Variants in ASTN1 observed in about 807,000 individuals in gnomAD.
ASTN1 encodes astrotactin-1.
A neutral mutation model predicts 140.7 loss-of-function variants in ASTN1; 41 were observed. The observed-to-expected ratio is 0.29, with a 90% CI of 0.23 to 0.38. The LOEUF is 0.38. Ranked by LOEUF, ASTN1 falls within the 10% of genes least tolerant of loss-of-function variation. ASTN1 has a pLI of 1.00. For synonymous variants in ASTN1, 640 were observed against 652.2 expected, an observed-to-expected ratio of 0.98 and a Z score of 0.29; for missense variants, 1,479 against 1,678.8, an observed-to-expected ratio of 0.88 and a Z score of 2.08.
chr1:177,113,994 G>A (rs898648429), intron 1 of ASTN1, among the ~76,000 whole-genome samples: 3 of 152,200 alleles, frequency 2.0e-5, no homozygotes, highest in African/African-American at 7.2e-5. Flanking sequence ...TTCAAAGGAT[G>A]AAAGAAATGA....
chr1:177,014,687 G>T, intron 8 of ASTN1, 104 bp downstream of exon 8: 2 of 1,045,088 alleles, frequency 1.9e-6, no homozygotes, highest in Non-Finnish European at 2.9e-6. Context: ...TCAGAATATA[G>T]CCACCCTTTA....
intron 1 of ASTN1, among the ~76,000 whole-genome samples, chr1:177,150,429 G>C (rs59992568): frequency 0.016 from 2,361 of 152,208 alleles, 60 homozygotes; most frequent in African/African-American, 0.054. Context: ...CATTTGACTG[G>C]TAGATGCTGT....
intron 1 of ASTN1, among the ~76,000 whole-genome samples, chr1:177,091,199 A>G (rs1679735114): frequency 6.6e-6 from 1 of 152,212 alleles, no homozygotes; most frequent in South Asian, 2.1e-4. Context: ...CATCTGACCA[A>G]CTCTCAAAAA....
At chr1:177,045,455 C>G (rs1314126662) in intron 2 of ASTN1, among the ~76,000 whole-genome samples, 1 of 152,212 alleles carries the variant, frequency 6.6e-6, no homozygotes, top group Non-Finnish European at 1.5e-5. Context: ...AGACCTCCAT[C>G]TGAAAATCCC....
intron 2 of ASTN1, among the ~76,000 whole-genome samples, chr1:177,056,492 A>G (rs756012833): frequency 6.6e-6 from 1 of 151,908 alleles, no homozygotes; most frequent in African/African-American, 2.4e-5. Flanking sequence ...TTTCCCCACA[A>G]CAGTGACTAA....
At chr1:177,015,003 T>A in intron 7 of ASTN1, 128 bp from the exon 8 acceptor site, 1 of 779,634 alleles carries the variant, frequency 1.3e-6, no homozygotes, top group Non-Finnish European at 2.1e-6. Flanking sequence ...AATGAGACAG[T>A]AAGTTCCATT....
chr1:177,068,558 G>T (rs1477594471), intron 1 of ASTN1, among the ~76,000 whole-genome samples: 1 of 152,158 alleles, frequency 6.6e-6, no homozygotes, highest in Non-Finnish European at 1.5e-5. Flanking sequence ...CAGGAAGCCT[G>T]GAGAATGGGA....
intron 16 of ASTN1, among the ~76,000 whole-genome samples, chr1:176,904,845 C>T (rs1669917248): frequency 6.6e-6 from 1 of 151,970 alleles, no homozygotes; most frequent in Admixed American, 6.6e-5. Context: ...GGGCGCCCAG[C>T]ATCAGCCTGG....
chr1:176,974,792 C>T (rs1237610618), intron 8 of ASTN1, among the ~76,000 whole-genome samples: 3 of 152,120 alleles, frequency 2.0e-5, no homozygotes, highest in Non-Finnish European at 2.9e-5. Flanking sequence ...CAACCTTGCC[C>T]CAAAACATGG....
intron 8 of ASTN1, among the ~76,000 whole-genome samples, chr1:177,010,679 A>AT (rs1675245297): frequency 6.6e-6 from 1 of 152,178 alleles, no homozygotes; most frequent in South Asian, 2.1e-4. Context: ...AACCTGCCTC[A>AT]TTTCTGCCTG....
rs1475157004 is a variant in ASTN1, at chr1:177,164,610, C to T, written c.67G>A (p.Ala23Thr). Residue 23 changes from alanine to threonine, a missense_variant, in exon 1 of 23, where the codon GCC (alanine) becomes ACC (threonine). Coordinates refer to ENST00000361833, the MANE Select transcript of ASTN1 (RefSeq NM_004319.3). ...CWGPAAVLAT[A>T]AGDVDPSKEL... Reference sequence around the variant, plus strand: ...TTGGATGGATCCACGTCGCCGGCGGCCGTGGCCAGCACCGCCGCCGGCCCC... The same window carrying T: ...TTGGATGGATCCACGTCGCCGGCGGTCGTGGCCAGCACCGCCGCCGGCCCC... 1.2e-6 allele frequency: 2 copies of T among 1,610,712 alleles called. No individual in the cohort carries two copies. Among genetic ancestry groups the T allele is most frequent in the East Asian group, 2.2e-5 (1 of 44,734 alleles).
chr1:177,124,629 C>T (rs1681559178), intron 1 of ASTN1, among the ~76,000 whole-genome samples: 1 of 152,092 alleles, frequency 6.6e-6, no homozygotes, highest in South Asian at 2.1e-4. Flanking sequence ...AGCCACTGCC[C>T]AGAGGAACAA....
At chr1:177,020,859 T>TTG (rs138744561) in intron 7 of ASTN1, among the ~76,000 whole-genome samples, 87 of 151,502 alleles carry the variant, frequency 5.7e-4, no homozygotes, top group Middle Eastern at 3.4e-3. Context: ...GTTTGTGTGT[T>TTG]TGTGTGTGTG....
intron 8 of ASTN1, among the ~76,000 whole-genome samples, chr1:176,991,413 C>CAAAA (rs1200261285): frequency 2.7e-5 from 3 of 109,526 alleles, no homozygotes; most frequent in Admixed American, 1.0e-4. Context: ...AACTCTGTCT[C>CAAAA]AAAAAAAAAA....
At chr1:177,012,021 G>C (rs541437088) in intron 8 of ASTN1, among the ~76,000 whole-genome samples, 15 of 152,266 alleles carry the variant, frequency 9.9e-5, no homozygotes, top group South Asian at 4.1e-4. Context: ...CTATTTTAAT[G>C]TACGCAATAC....
At chr1:176,938,176 T>C (rs1428073807) in intron 14 of ASTN1, among the ~76,000 whole-genome samples, 1 of 152,208 alleles carries the variant, frequency 6.6e-6, no homozygotes, top group Non-Finnish European at 1.5e-5. Flanking sequence ...TATTACATAC[T>C]TTGGCTTTTA....
At position 176,901,399 on chromosome 1, in the gene ASTN1, C is replaced by A. The variant is rs540332600; in HGVS notation, c.2672-6569G>T. Among the ~76,000 whole-genome samples the A allele has an allele frequency of 2.2e-5, 3 of 138,380 alleles. No homozygotes were observed. The South Asian group carries it at 6.5e-4, about 30-fold the overall frequency. 90.8% of individuals were successfully genotyped at this position (138,380 alleles called of 152,430 possible). ...GTGAGAAAATCTGGGAAACTTGTAG[C>A]CAATAATGTCACAAAGTGGCAAAAG... On this transcript the variant is annotated intron_variant, in intron 16 of 22. Transcript: ENST00000361833.
At chr1:176,996,308 C>CAG (rs1488531468) in intron 8 of ASTN1, among the ~76,000 whole-genome samples, 1 of 120,246 alleles carries the variant, frequency 8.3e-6, no homozygotes, top group African/African-American at 3.2e-5. Flanking sequence ...CACACACACA[C>CAG]ACAGAGAGAG....
chr1:176,901,599 G>A (rs1172030490), intron 16 of ASTN1, among the ~76,000 whole-genome samples: 1 of 152,174 alleles, frequency 6.6e-6, no homozygotes, highest in African/African-American at 2.4e-5. Flanking sequence ...GGCAGTGGCT[G>A]TGGTAGCAAG....
Sources: gnomAD v4.1 joint callset for allele counts (sites outside exome capture counted in the v4.1 genomes callset) on GRCh38, gnomAD v4.1.1 for gene constraint, MANE v1.5 for transcripts, NCBI Gene and HGNC (gene_info 2026-07-23, HGNC 2026-07-21) for gene names.